IFT140: variants seen among roughly 807,000 people sequenced by gnomAD.
The protein encoded by IFT140 is intraflagellar transport protein 140 homolog.
A neutral mutation model predicts 164.6 loss-of-function variants in IFT140; 133 were observed. That is an observed-to-expected ratio of 0.81 (90% CI 0.70 to 0.93). IFT140 has a LOEUF of 0.93. Ranked by LOEUF, IFT140 falls within the 40% of genes least tolerant of loss-of-function variation. The pLI, the probability that IFT140 is intolerant of heterozygous loss-of-function variation, is 0.00. For synonymous variants in IFT140, 860 were observed against 817.3 expected (o/e 1.05, Z -0.89); for missense variants, 2,045 against 1,972.3 (o/e 1.04, Z -0.70).
At position 1,558,201 on chromosome 16, in the gene IFT140, G is replaced by A. The variant is rs1016619785; in HGVS notation, c.2200-67C>T. The A allele has an allele frequency of 1.4e-5, 21 of 1,513,746 alleles. No homozygotes were observed. In the African/African-American group the frequency reaches 1.5e-4, roughly 11 times the overall value. The allele number at this position is 1,513,746 out of a possible 1,614,324, so 93.8% of individuals were successfully genotyped here. On this transcript the variant is annotated intron_variant, in intron 18 of 30. Coordinates refer to ENST00000426508, the MANE Select transcript of IFT140 (RefSeq NM_014714.4). The stretch of plus-strand genomic sequence containing the variant: ...AAGCTGAAGCCCTCACCCAGACCTC[G>A]TCCTCTGGATTTAGCTCCCTTATGG...
chr16:1,540,615 C>A (rs554777206), intron 19 of IFT140, among the ~76,000 whole-genome samples: 1 of 152,162 alleles, frequency 6.6e-6, no homozygotes. Context: ...GTGATGAATG[C>A]GGGCACAGGG....
At chr16:1,555,823 C>T (rs2033042274) in intron 19 of IFT140, among the ~76,000 whole-genome samples, 1 of 152,086 alleles carries the variant, frequency 6.6e-6, no homozygotes, top group Non-Finnish European at 1.5e-5. Flanking sequence ...CTTCAGTCAG[C>T]CTGTGCGCGA....
chr16:1,552,453 C>A (rs2141396180), intron 19 of IFT140, among the ~76,000 whole-genome samples: 2 of 152,232 alleles, frequency 1.3e-5, no homozygotes, highest in East Asian at 3.9e-4. Flanking sequence ...ACCCCACCGG[C>A]AGAAAGTGCC....
rs142342085 is a variant in IFT140 at position 1,524,837 on chromosome 16, G to A, written c.2944C>T (p.Arg982Trp). 58 of 1,612,976 alleles carry A rather than the reference G, an allele frequency of 3.6e-5. No homozygotes were observed. The highest frequency in any genetic ancestry group is 1.6e-4 in the Middle Eastern group (1 of 6,062). Residue 982 changes from arginine (R) to tryptophan (W), a missense_variant, in exon 23 of 31, where the codon CGG (arginine) becomes TGG (tryptophan). Arg to Trp is a moderately radical substitution (Grantham distance 101, BLOSUM62 -3). Transcript: ENST00000426508. ...DAALHYYELA[R>W]DHFSLVRIHC... ...ATGCGGACCAGGGAGAAGTGGTCCC[G>A]GGCCAGCTCGTAGTAGTGCAGCGCG...
chr16:1,575,002 A>G (rs112607313), intron 13 of IFT140, among the ~76,000 whole-genome samples: 2 of 152,328 alleles, frequency 1.3e-5, no homozygotes, highest in African/African-American at 4.8e-5. Context: ...ATGAGGGATC[A>G]CTAACCCACC....
At chr16:1,528,279 C>T (rs1047089840) in intron 19 of IFT140, among the ~76,000 whole-genome samples, 7 of 152,114 alleles carry the variant, frequency 4.6e-5, no homozygotes, top group Non-Finnish European at 1.0e-4. Context: ...GCCACACGCG[C>T]CTCCCCTACA....
chr16:1,518,149 C>T (rs759876946), intron 30 of IFT140, 67 bp downstream of exon 30: 10 of 1,528,230 alleles, frequency 6.5e-6, no homozygotes, highest in Non-Finnish European at 7.1e-6. Flanking sequence ...CAGTTTGAGC[C>T]GTTAAGCCTT....
chr16:1,571,491 T>A lies in IFT140; in HGVS notation c.1568A>T (p.Asn523Ile). The A allele has an allele frequency of 2.5e-5, 41 of 1,614,032 alleles. No individual in the cohort carries two copies. The highest frequency in any genetic ancestry group is 3.4e-5 in the Non-Finnish European group (40 of 1,179,902). Residue 523 changes from asparagine to isoleucine, a missense_variant, in exon 14 of 31, where the codon AAT becomes ATT. Transcript: ENST00000426508. ...CCCACAGATGTCCAAGAAGCAGGGA[T>A]TCCCCTCAGTCTCCGAGAAAAGGAG... is the stretch of plus-strand genomic sequence containing the variant. ...QLLLFSETEG[N>I]PCFLDICGNF... is the part of the protein sequence containing the mutation.
Position 1,524,802 on chromosome 16 carries a change from G to T in IFT140, c.2979C>A (p.Phe993Leu). Residue 993 changes from phenylalanine (F) to leucine (L), a missense_variant, in exon 23 of 31, where the codon TTC (phenylalanine) becomes TTA (leucine). By Grantham distance (22) the Phe-to-Leu change is conservative. Transcript: ENST00000426508. ...ACCTTACCTTCTGGACATTGCCCTG[G>T]AAGCAGTGGATGCGGACCAGGGAGA... ...DHFSLVRIHC[F>L]QGNVQKAAQI... 4 of 1,610,440 alleles carry T rather than the reference G, an allele frequency of 2.5e-6. No individual in the cohort carries two copies. Among genetic ancestry groups the T allele is most frequent in the Non-Finnish European group, 2.5e-6 (3 of 1,177,220 alleles).
chr16:1,571,821 C>T (rs575630326), intron 13 of IFT140, among the ~76,000 whole-genome samples: 2 of 152,096 alleles, frequency 1.3e-5, no homozygotes, highest in South Asian at 2.1e-4. Flanking sequence ...GCAGTGCGGT[C>T]GACAAACAAA....
At chr16:1,522,580 C>A (rs887331542) in intron 26 of IFT140, among the ~76,000 whole-genome samples, 3 of 152,030 alleles carry the variant, frequency 2.0e-5, no homozygotes, top group Non-Finnish European at 4.4e-5. Flanking sequence ...GTGGCTCACG[C>A]CTGTAATCCC....
At position 1,520,661 on chromosome 16, in the gene IFT140, G is replaced by A. The variant is rs368685855; in HGVS notation, c.3601C>T (p.Arg1201Cys). The change falls in exon 27 of 31, where the codon CGC becomes TGC. Residue 1201 changes from arginine to cysteine, a missense_variant. Coordinates refer to ENST00000426508, the MANE Select transcript of IFT140 (RefSeq NM_014714.4). The stretch of plus-strand genomic sequence containing the variant: ...GTGGCCAGGTGGTAGCTGCCCTGGC[G>A]CATGCAGCAGTCTGCTATCTGCTCC... The part of the protein sequence containing the change: ...LLEQIADCCM[R>C]QGSYHLATKK... The A allele has an allele frequency of 6.9e-5, 111 of 1,604,784 alleles. No individual in the cohort carries two copies. The highest frequency in any genetic ancestry group is 8.9e-5 in the Non-Finnish European group (105 of 1,175,394).
intron 11 of IFT140, among the ~76,000 whole-genome samples, chr16:1,583,945 G>C (rs28406883): frequency 0.11 from 16,040 of 152,166 alleles, 1,211 homozygotes; most frequent in African/African-American, 0.21. Context: ...ATCTTGGCCA[G>C]GCTGGTCTCG....
rs2033603602 is a variant in IFT140, at chr16:1,564,488, C to T, written c.1902-326G>A. ...TTTTCCTTTTCCAGGACCAGCAGGC[C>T]AACCTCGAGGTGGGATGGCACCCCC... On this transcript the variant is annotated intron_variant, in intron 16 of 30. Transcript: ENST00000426508. The surrounding 1 kb of genome is among the most constrained non-coding windows in gnomAD (Gnocchi z 5.5). Among the ~76,000 whole-genome samples, 2 of 152,180 alleles carry T rather than the reference C, an allele frequency of 1.3e-5. No individual in the cohort carries two copies. Among genetic ancestry groups the T allele is most frequent in the South Asian group, 4.1e-4 (2 of 4,822 alleles).
At chr16:1,513,154 G>GCC (rs1389267513) in intron 30 of IFT140, 1 of 152,192 alleles carries the variant, frequency 6.6e-6, no homozygotes, top group Non-Finnish European at 1.5e-5. Flanking sequence ...TCTGACGGAT[G>GCC]CAGGCGCGTG....
chr16:1,563,302 T>C (rs2033522862), intron 17 of IFT140, among the ~76,000 whole-genome samples: 1 of 151,360 alleles, frequency 6.6e-6, no homozygotes, highest in Non-Finnish European at 1.5e-5. Context: ...ATAACTTTTT[T>C]TTTTTCTTTT....
intron 19 of IFT140, among the ~76,000 whole-genome samples, chr16:1,539,604 G>A (rs1393303064): frequency 2.0e-5 from 3 of 152,260 alleles, no homozygotes; most frequent in Non-Finnish European, 4.4e-5. Context: ...AGAACCTCGC[G>A]GGAGCGCTAT....
At chr16:1,561,015 C>T (rs1245952713) in intron 18 of IFT140, among the ~76,000 whole-genome samples, 1 of 152,248 alleles carries the variant, frequency 6.6e-6, no homozygotes, top group Non-Finnish European at 1.5e-5. Flanking sequence ...TGGCCCCCTG[C>T]CTCCCGCCTG....
chr16:1,534,375 A>G, intron 19 of IFT140: 2 of 1,612,862 alleles, frequency 1.2e-6, no homozygotes, highest in Non-Finnish European at 1.7e-6. Flanking sequence ...GGTGTGCCAG[A>G]CGCTGGAGGA....
Sources: gnomAD v4.1 joint callset for allele counts (sites outside exome capture counted in the v4.1 genomes callset) on GRCh38, gnomAD v4.1.1 for gene constraint, Gnocchi (gnomAD v3.1) non-coding constraint, MANE v1.5 for transcripts, NCBI Gene and HGNC (gene_info 2026-07-23, HGNC 2026-07-21) for gene names.